The following ITGB6 variants were observed in gnomAD, a reference collection of about 807,000 sequenced individuals.
The protein encoded by ITGB6 is integrin subunit beta 6.
A neutral mutation model predicts 84.5 loss-of-function variants in ITGB6; 80 were observed. The observed-to-expected ratio is 0.95, with a 90% CI of 0.79 to 1.14. The LOEUF (loss-of-function observed/expected upper bound fraction) is 1.14, where lower values mean the gene tolerates loss of function less well. Among genes scored for constraint, ITGB6 ranks in the 50% most tolerant of loss-of-function variants. ITGB6 has a pLI of 0.00. For synonymous variants in ITGB6, 383 were observed against 354.9 expected, an observed-to-expected ratio of 1.08 and a Z score of -0.89; for missense variants, 1,006 against 968.0, an observed-to-expected ratio of 1.04 and a Z score of -0.52.
intron 4 of ITGB6, among the ~76,000 whole-genome samples, chr2:160,177,193 C>T (rs769354641): frequency 5.9e-5 from 9 of 152,130 alleles, no homozygotes; most frequent in Admixed American, 1.3e-4. Flanking sequence ...ATTGTTTCTA[C>T]TTATTAACAT....
chr2:160,102,884 GGTAAA>G (rs1361099627), intron 14 of ITGB6, among the ~76,000 whole-genome samples: 11 of 152,288 alleles, frequency 7.2e-5, no homozygotes, highest in Non-Finnish European at 1.3e-4. Context: ...ACCTCGTCCA[GGTAAA>G]GTATTTTAGC....
intron 2 of ITGB6, 28 bp from the exon 3 acceptor site, chr2:160,196,448 C>A: frequency 6.4e-7 from 1 of 1,554,636 alleles, no homozygotes; most frequent in Non-Finnish European, 8.8e-7. Flanking sequence ...AAACAATAAC[C>A]AGAAAAAGAA....
At chr2:160,103,698 T>C (rs1174098893) in intron 14 of ITGB6, among the ~76,000 whole-genome samples, 1 of 152,092 alleles carries the variant, frequency 6.6e-6, no homozygotes, top group African/African-American at 2.4e-5. Context: ...AATGAGAGAC[T>C]CCATTGAAGA....
chr2:160,158,877 G>C (rs534697950), intron 7 of ITGB6, among the ~76,000 whole-genome samples: 129 of 152,210 alleles, frequency 8.5e-4, no homozygotes, highest in Admixed American at 1.8e-3. Flanking sequence ...GAGGGGGGTG[G>C]ATCATGAAGT....
intron 12 of ITGB6, among the ~76,000 whole-genome samples, chr2:160,123,081 T>C (rs1683103671): frequency 6.6e-6 from 1 of 152,212 alleles, no homozygotes; most frequent in Non-Finnish European, 1.5e-5. Flanking sequence ...CCACAAATTA[T>C]TGTTTAAAAG....
chr2:160,181,803 T>C (rs1685688969), intron 4 of ITGB6, among the ~76,000 whole-genome samples: 1 of 152,184 alleles, frequency 6.6e-6, no homozygotes, highest in South Asian at 2.1e-4. Context: ...ACAGGCAGCA[T>C]TCTTTGCTGT....
chr2:160,126,839 T>C (rs573539508), intron 10 of ITGB6, among the ~76,000 whole-genome samples: 173 of 152,318 alleles, frequency 1.1e-3, no homozygotes, highest in African/African-American at 4.0e-3. Context: ...CTTGCTTACT[T>C]TATGTTTGTA....
At chr2:160,177,403 G>GA (rs909287666) in intron 4 of ITGB6, among the ~76,000 whole-genome samples, 16 of 151,278 alleles carry the variant, frequency 1.1e-4, no homozygotes, top group African/African-American at 2.7e-4. Context: ...CATCTCTACT[G>GA]AAAAAAAATA....
chr2:160,123,167 T>C, intron 12 of ITGB6, among the ~76,000 whole-genome samples: 1 of 152,166 alleles, frequency 6.6e-6, no homozygotes, highest in Non-Finnish European at 1.5e-5. Context: ...TCTAAGTAAT[T>C]AAATTTAAAA....
intron 7 of ITGB6, among the ~76,000 whole-genome samples, chr2:160,164,886 A>G (rs111274431): frequency 6.6e-6 from 1 of 152,084 alleles, no homozygotes; most frequent in African/African-American, 2.4e-5. Context: ...CATGGTTAGG[A>G]TTGGAAAATA....
intron 7 of ITGB6, among the ~76,000 whole-genome samples, chr2:160,167,289 G>T (rs1272773604): frequency 6.6e-6 from 1 of 152,222 alleles, no homozygotes; most frequent in Non-Finnish European, 1.5e-5. Context: ...TGGAAGATCA[G>T]CATTTTCATG....
chr2:160,163,886 C>A (rs993383356), intron 7 of ITGB6, among the ~76,000 whole-genome samples: 5 of 152,164 alleles, frequency 3.3e-5, no homozygotes, highest in Non-Finnish European at 7.3e-5. Context: ...AAGCTCTTGA[C>A]AAACGTTCCC....
chr2:160,195,105 A>G (rs1334871466), intron 4 of ITGB6, among the ~76,000 whole-genome samples: 1 of 152,198 alleles, frequency 6.6e-6, no homozygotes, highest in East Asian at 1.9e-4. Flanking sequence ...CCTCGCCTGC[A>G]TAACACGCAT....
At chr2:160,198,001 A>G (rs1374474543) in intron 2 of ITGB6, among the ~76,000 whole-genome samples, 3 of 152,258 alleles carry the variant, frequency 2.0e-5, no homozygotes, top group Non-Finnish European at 2.9e-5. Flanking sequence ...ATTATACACA[A>G]GTAAAGTTAT....
At chr2:160,175,288 A>G (rs534790226) in intron 4 of ITGB6, among the ~76,000 whole-genome samples, 1 of 152,200 alleles carries the variant, frequency 6.6e-6, no homozygotes. Flanking sequence ...CACAGATTCT[A>G]TATTTGTGAA....
At chr2:160,186,992 G>A (rs1685927172) in intron 4 of ITGB6, among the ~76,000 whole-genome samples, 1 of 152,068 alleles carries the variant, frequency 6.6e-6, no homozygotes, top group Non-Finnish European at 1.5e-5. Flanking sequence ...GGGAGGGATA[G>A]CATCAGGAGA....
chr2:160,127,460 C>A (rs941493876), intron 10 of ITGB6, among the ~76,000 whole-genome samples: 4 of 152,178 alleles, frequency 2.6e-5, no homozygotes, highest in African/African-American at 9.7e-5. Flanking sequence ...GAAAGTCCTG[C>A]CCATCCCCTT....
chr2:160,182,386 G>A (rs1379561865), intron 4 of ITGB6, among the ~76,000 whole-genome samples: 1 of 152,128 alleles, frequency 6.6e-6, no homozygotes, highest in Admixed American at 6.6e-5. Context: ...GGGGAAGAAA[G>A]GATATCAGAG....
At chr2:160,143,086 G>A (rs114018573) in intron 7 of ITGB6, among the ~76,000 whole-genome samples, 3,749 of 152,130 alleles carry the variant, frequency 0.025, 59 homozygotes, top group Middle Eastern at 0.044. Flanking sequence ...TCAGGAGTTC[G>A]AGACCAGCCT....
Sources: gnomAD v4.1 joint callset for allele counts (sites outside exome capture counted in the v4.1 genomes callset) on GRCh38, gnomAD v4.1.1 for gene constraint, MANE v1.5 for transcripts, NCBI Gene and HGNC (gene_info 2026-07-23, HGNC 2026-07-21) for gene names.